The following TMEM260 variants were observed in gnomAD, a reference collection of about 807,000 sequenced individuals.
The protein encoded by TMEM260 is protein O-mannosyl-transferase TMEM260.
TMEM260 carries 82 observed loss-of-function variants against 88.9 expected under a neutral mutation model. That is an observed-to-expected ratio of 0.92 (90% CI 0.77 to 1.11). TMEM260 has a LOEUF of 1.11. Ranked by LOEUF, TMEM260 falls within the 50% of genes least tolerant of loss-of-function variation. The probability of loss-of-function intolerance (pLI) is 0.00; values close to 1 mark genes in which losing one functional copy is unlikely to be tolerated. For synonymous variants in TMEM260, 314 were observed against 309.3 expected (o/e 1.02, Z -0.16); for missense variants, 902 against 853.4 (o/e 1.06, Z -0.71).
chr14:56,617,119 G>T (rs1887637772), intron 8 of TMEM260, 64 bp from the exon 9 acceptor site: 23 of 971,894 alleles, frequency 2.4e-5, no homozygotes, highest in Non-Finnish European at 3.4e-5. Flanking sequence ...TTAAAGTCCT[G>T]TGATATTATA....
chr14:56,661,041 G>A, the TMEM260 span, among the ~76,000 whole-genome samples: 1 of 152,222 alleles, frequency 6.6e-6, no homozygotes, highest in Non-Finnish European at 1.5e-5. Flanking sequence ...CGGGAGTGGG[G>A]ACACAACATA....
chr14:56,581,036 G>A (rs900221522), intron 1 of TMEM260, among the ~76,000 whole-genome samples: 1 of 152,154 alleles, frequency 6.6e-6, no homozygotes, highest in African/African-American at 2.4e-5. Flanking sequence ...GGTGTGCGAT[G>A]GGGCTGCGGT....
At chr14:56,616,115 G>A in intron 8 of TMEM260, 88 bp downstream of exon 8, 2 of 946,242 alleles carry the variant, frequency 2.1e-6, no homozygotes, top group Non-Finnish European at 3.3e-6. Flanking sequence ...GACATTGCCA[G>A]TATTATTTTA....
At chr14:56,609,439 C>T (rs1184540915) in intron 6 of TMEM260, among the ~76,000 whole-genome samples, 154 bp downstream of exon 6, 11 of 152,050 alleles carry the variant, frequency 7.2e-5, no homozygotes, top group South Asian at 2.1e-4. Context: ...TGGAATATGG[C>T]CTTTGATATA....
At chr14:56,604,577 T>C (rs1206395584) in intron 4 of TMEM260, among the ~76,000 whole-genome samples, 2 of 151,910 alleles carry the variant, frequency 1.3e-5, no homozygotes, top group South Asian at 2.1e-4. Context: ...AGCTTTGTGT[T>C]GTTAAAGAGT....
intron 1 of TMEM260, among the ~76,000 whole-genome samples, chr14:56,583,473 G>A (rs1594803993): frequency 6.6e-6 from 1 of 152,076 alleles, no homozygotes; most frequent in South Asian, 2.1e-4. Flanking sequence ...TGTATGGCTT[G>A]AATTGATGCT....
At chr14:56,616,245 A>G in intron 8 of TMEM260, 2 of 419,666 alleles carry the variant, frequency 4.8e-6, no homozygotes, top group South Asian at 5.0e-5. Flanking sequence ...ACATCTAAGT[A>G]GACAGTCATT....
upstream of TMEM260, chr14:56,579,626 T>C (rs1416321426): frequency 2.9e-6 from 1 of 342,184 alleles, no homozygotes; most frequent in Non-Finnish European, 5.3e-6. Flanking sequence ...GCTTGCTTTT[T>C]AAAGGGAATG....
chr14:56,612,322 T>A, intron 7 of TMEM260, 37 bp downstream of exon 7: 1 of 1,541,760 alleles, frequency 6.5e-7, no homozygotes. Context: ...TTAAAATGAA[T>A]TCTCTATTAG....
chr14:56,602,797 A>G (rs1337090981), intron 3 of TMEM260, among the ~76,000 whole-genome samples: 1 of 152,152 alleles, frequency 6.6e-6, no homozygotes, highest in Non-Finnish European at 1.5e-5. Context: ...ACTGATATTG[A>G]GATTTTTATT....
rs143322863 is a variant in TMEM260 at position 56,609,212 on chromosome 14, C to G, written c.743C>G (p.Thr248Ser). Residue 248 changes from threonine to serine, a missense_variant, in exon 6 of 16, where the codon ACC (threonine) becomes AGC (serine). Transcript: ENST00000261556. ...ISSYLNHARW[T>S]WGDQTTLQGF... ...TCTTACCTTAATCACGCCCGGTGGA[C>G]CTGGGGAGACCAGACAACACTGCAA... 6.2e-7 allele frequency: 1 copy of G among 1,614,086 alleles called. No individual in the cohort carries two copies. The highest frequency in any genetic ancestry group is 8.5e-7 in the Non-Finnish European group (1 of 1,180,028).
chr14:56,605,731 C>T, intron 5 of TMEM260, 48 bp downstream of exon 5: 1 of 1,122,528 alleles, frequency 8.9e-7, no homozygotes, highest in African/African-American at 1.6e-5. Flanking sequence ...TTACTTAGGT[C>T]TAATATAACA....
At chr14:56,658,655 T>C in the TMEM260 span, among the ~76,000 whole-genome samples, 12 of 152,110 alleles carry the variant, frequency 7.9e-5, no homozygotes, top group South Asian at 4.1e-4. Flanking sequence ...CAAGAGAGTG[T>C]CCTGAATTTA....
intron 11 of TMEM260, 136 bp downstream of exon 11, chr14:56,621,838 C>T (rs537767644): frequency 1.6e-5 from 10 of 624,020 alleles, no homozygotes; most frequent in Non-Finnish European, 2.5e-5. Flanking sequence ...TGACATTCTA[C>T]ATGTTAGGTA....
Position 56,579,953 on chromosome 14 carries a change from G to C in TMEM260, c.39G>C (p.Gly13=), listed in dbSNP as rs1222519163. 3.2e-6 allele frequency: 4 copies of C among 1,239,012 alleles called. No homozygotes were observed. The highest frequency in any genetic ancestry group is 1.6e-5 in the African/African-American group (1 of 64,452). 76.8% of individuals were successfully genotyped at this position (1,239,012 alleles called of 1,614,324 possible). A position where few individuals can be genotyped will look rare whatever the true frequency, so the allele number is the denominator to read the frequency against. The change falls in exon 1 of 16, where the codon GGG becomes GGC. Residue 13 remains glycine, a synonymous_variant. Coordinates refer to ENST00000261556, the MANE Select transcript of TMEM260 (RefSeq NM_017799.4). The part of the protein sequence containing the change: ...PHGDGRGQAQ[G]RAVRVGLRRS... The stretch of plus-strand genomic sequence containing the variant: ...GCGACGGCAGGGGCCAGGCCCAGGG[G>C]CGGGCAGTCCGAGTGGGGCTGCGGC...
chr14:56,640,143 A>G (rs1269195738), intron 15 of TMEM260, among the ~76,000 whole-genome samples: 3 of 152,176 alleles, frequency 2.0e-5, no homozygotes, highest in Admixed American at 6.5e-5. Context: ...CTTTGAAGAG[A>G]ATAGTGGTTC....
Position 56,609,277 on chromosome 14 carries a change from T to C in TMEM260, c.808T>C (p.Phe270Leu). ...THFLREEYGT[F>L]SLAKSEIGSS... The stretch of plus-strand genomic sequence containing the variant: ...TTTTCTCAGGGAAGAATATGGAACC[T>C]TCAGCCTGGTAAATTCAGATTTAAA... The change falls in exon 6 of 16, where the codon TTC becomes CTC. Residue 270 changes from phenylalanine (F) to leucine (L), a missense_variant. Coordinates refer to ENST00000261556, the MANE Select transcript of TMEM260 (RefSeq NM_017799.4). 1 of 1,613,798 alleles carries C rather than the reference T, an allele frequency of 6.2e-7. No homozygotes were observed. Among genetic ancestry groups the C allele is most frequent in the South Asian group, 1.1e-5 (1 of 91,022 alleles).
rs35019348 is a variant in TMEM260 at position 56,613,895 on chromosome 14, C to CAAAAAAAAAAAAAAAAAAAAA, written c.857+1625_857+1626insAAAAAAAAAAAAAAAAAAAAA. On this transcript the variant is annotated intron_variant, in intron 7 of 15. Coordinates refer to ENST00000261556, the MANE Select transcript of TMEM260 (RefSeq NM_017799.4). ...GGCAACATAGTGAGACCCGTCTCTG[C>CAAAAAAAAAAAAAAAAAAAAA]AAAAAAAAAAAAAAATTTTTTTTTT... is the stretch of plus-strand genomic sequence containing the variant. 4.5e-5 allele frequency: 6 copies of CAAAAAAAAAAAAAAAAAAAAA among 133,190 alleles called. No homozygotes were observed. In the East Asian group the frequency reaches 1.6e-3, roughly 35 times the overall value. The allele number at this position is 133,190 out of a possible 1,614,324, so 8.3% of individuals were successfully genotyped here.
chr14:56,642,002 A>C (rs529066552), intron 15 of TMEM260, among the ~76,000 whole-genome samples: 52 of 152,362 alleles, frequency 3.4e-4, no homozygotes, highest in African/African-American at 1.2e-3. Context: ...ACCCAGATTC[A>C]TAAAGCAAGT....
Sources: allele counts gnomAD v4.1 joint callset (sites outside exome capture counted in the v4.1 genomes callset), GRCh38; gene constraint gnomAD v4.1.1; transcripts MANE v1.5; gene names NCBI Gene and HGNC (gene_info 2026-07-23, HGNC 2026-07-21).